GIPC2: variants seen among roughly 807,000 people sequenced by gnomAD.
GIPC2 encodes PDZ domain-containing protein GIPC2.
A neutral mutation model predicts 30.6 loss-of-function variants in GIPC2; 30 were observed. That is an observed-to-expected ratio of 0.98 (90% CI 0.73 to 1.33). The LOEUF is 1.33. GIPC2 is among the 40% of genes most tolerant of loss of function. The probability of loss-of-function intolerance (pLI) is 0.00; values close to 1 mark genes in which losing one functional copy is unlikely to be tolerated. For synonymous variants in GIPC2, 167 were observed against 150.0 expected, an observed-to-expected ratio of 1.11 and a Z score of -0.83; for missense variants, 414 against 390.3, an observed-to-expected ratio of 1.06 and a Z score of -0.51.
At chr1:78,130,196 G>A (rs865815163) in intron 5 of GIPC2, among the ~76,000 whole-genome samples, 16 of 149,826 alleles carry the variant, frequency 1.1e-4, no homozygotes, top group Admixed American at 7.3e-4. Flanking sequence ...CCCGCCTCCC[G>A]GGTTCAAGCG....
intron 5 of GIPC2, 27 bp downstream of exon 5, chr1:78,125,989 T>A: frequency 9.8e-7 from 1 of 1,019,008 alleles, no homozygotes; most frequent in Non-Finnish European, 1.6e-6. Context: ...TAAAAAAGTC[T>A]TATATCTCTT....
Position 78,080,817 on chromosome 1 carries a change from G to A in GIPC2, c.383G>A (p.Gly128Asp). ...GTGTATAAATCTGAGGATTCACTTG[G>A]TCTCACCATTACAGATAATGGTGTT... ...VNVYKSEDSL[G>D]LTITDNGVGY... The change falls in exon 2 of 6, where the codon GGT (glycine) becomes GAT (aspartate). Residue 128 changes from glycine to aspartate, a missense_variant. Coordinates refer to ENST00000370759, the MANE Select transcript of GIPC2 (RefSeq NM_017655.6). 1 of 1,610,702 alleles carries A rather than the reference G, an allele frequency of 6.2e-7. No individual in the cohort carries two copies. The highest frequency in any genetic ancestry group is 8.5e-7 in the Non-Finnish European group (1 of 1,177,526).
intron 1 of GIPC2, among the ~76,000 whole-genome samples, chr1:78,062,627 C>T (rs1191167627): frequency 1.3e-5 from 2 of 151,576 alleles, no homozygotes; most frequent in African/African-American, 4.9e-5. Flanking sequence ...GTCACCTCAG[C>T]CTCCTAAGTA....
At chr1:78,075,340 C>T (rs952153493) in intron 1 of GIPC2, among the ~76,000 whole-genome samples, 2 of 152,090 alleles carry the variant, frequency 1.3e-5, no homozygotes, top group Non-Finnish European at 2.9e-5. Flanking sequence ...CCTGTGGTCC[C>T]AGCTACTAGG....
At chr1:78,078,206 A>AAC (rs1436690449) in intron 1 of GIPC2, among the ~76,000 whole-genome samples, 6 of 151,652 alleles carry the variant, frequency 4.0e-5, no homozygotes, top group Non-Finnish European at 8.8e-5. Flanking sequence ...AAAAAAAAAA[A>AAC]AAAACCTAGT....
chr1:78,067,109 C>T (rs1661526552), intron 1 of GIPC2, among the ~76,000 whole-genome samples: 1 of 152,090 alleles, frequency 6.6e-6, no homozygotes, highest in African/African-American at 2.4e-5. Context: ...CTTGAAGTGT[C>T]ACCTGTTGCT....
At chr1:78,072,801 TTTCTCTC>T (rs1342469987) in intron 1 of GIPC2, among the ~76,000 whole-genome samples, 9 of 151,914 alleles carry the variant, frequency 5.9e-5, no homozygotes, top group African/African-American at 2.2e-4. Flanking sequence ...TATGGTTTCT[TTTCTCTC>T]TTATTATTAT....
At position 78,135,639 on chromosome 1, in the gene GIPC2, T is replaced by C; in HGVS notation, c.844T>C (p.Phe282Leu). The change falls in exon 6 of 6, where the codon TTT (phenylalanine) becomes CTT (leucine). Residue 282 changes from phenylalanine to leucine, a missense_variant. Transcript: ENST00000370759. ...AAAGGACAAAGTAAATCCAGATGAA[T>C]TTGCTGTGGCACTTGACGAAACTCT... ...AGKDKVNPDE[F>L]AVALDETLGD... The C allele has an allele frequency of 1.2e-6, 2 of 1,607,982 alleles. No homozygotes were observed. Among genetic ancestry groups the C allele is most frequent in the African/African-American group, 1.3e-5 (1 of 74,982 alleles).
intron 3 of GIPC2, among the ~76,000 whole-genome samples, chr1:78,107,082 CTCCCTCCCTCTT>C (rs921505233): frequency 3.0e-5 from 4 of 134,636 alleles, no homozygotes; most frequent in Non-Finnish European, 4.7e-5. Flanking sequence ...CCCTCTCTTT[CTCCCTCCCTCTT>C]TCCCTCCCTT....
At chr1:78,052,565 T>C (rs1237430464) in intron 1 of GIPC2, among the ~76,000 whole-genome samples, 1 of 152,226 alleles carries the variant, frequency 6.6e-6, no homozygotes, top group Non-Finnish European at 1.5e-5. Flanking sequence ...GGAAAGAGAC[T>C]AGCCTTTAGG....
chr1:78,105,255 AC>A (rs750860153), intron 3 of GIPC2, among the ~76,000 whole-genome samples: 33 of 151,514 alleles, frequency 2.2e-4, no homozygotes, highest in Non-Finnish European at 4.6e-4. Context: ...CAAGACATTT[AC>A]CCTAAACAGT....
At chr1:78,119,644 T>C (rs921189859) in intron 4 of GIPC2, 145 bp downstream of exon 4, 3 of 594,202 alleles carry the variant, frequency 5.0e-6, no homozygotes, top group East Asian at 2.9e-5. Flanking sequence ...AAAGGAAATA[T>C]AGAAATTAAG....
intron 5 of GIPC2, among the ~76,000 whole-genome samples, chr1:78,134,561 A>T (rs1662966601): frequency 6.6e-6 from 1 of 151,518 alleles, no homozygotes; most frequent in Non-Finnish European, 1.5e-5. Context: ...AGTTCACTGC[A>T]CCCCCACCCT....
At chr1:78,068,740 C>T (rs1330007420) in intron 1 of GIPC2, among the ~76,000 whole-genome samples, 1 of 152,058 alleles carries the variant, frequency 6.6e-6, no homozygotes, top group Non-Finnish European at 1.5e-5. Context: ...AAGCCATTTT[C>T]CTGGGGAATA....
intron 1 of GIPC2, among the ~76,000 whole-genome samples, chr1:78,074,420 G>A (rs549013912): frequency 1.4e-5 from 2 of 146,840 alleles, no homozygotes; most frequent in African/African-American, 5.1e-5. Context: ...GTGTAGTCTC[G>A]CTGAGGCGAC....
chr1:78,099,344 G>A (rs979726323), intron 3 of GIPC2, among the ~76,000 whole-genome samples: 5 of 151,764 alleles, frequency 3.3e-5, no homozygotes, highest in African/African-American at 7.3e-5. Flanking sequence ...TAATAAAGGC[G>A]ATTAGAGGTG....
At chr1:78,083,414 G>A (rs1314607135) in intron 2 of GIPC2, among the ~76,000 whole-genome samples, 1 of 152,166 alleles carries the variant, frequency 6.6e-6, no homozygotes, top group Non-Finnish European at 1.5e-5. Context: ...TTGTTTGTGA[G>A]ATTAACTTTT....
intron 2 of GIPC2, among the ~76,000 whole-genome samples, chr1:78,085,512 A>G (rs760906955): frequency 6.8e-6 from 1 of 147,926 alleles, no homozygotes; most frequent in Non-Finnish European, 1.5e-5. Context: ...TTTTCTTTGT[A>G]TATTTGATAG....
chr1:78,127,225 T>C (rs1036734107), intron 5 of GIPC2, among the ~76,000 whole-genome samples: 2 of 152,212 alleles, frequency 1.3e-5, no homozygotes, highest in Admixed American at 6.5e-5. Context: ...ATTTTCCTTA[T>C]AGAATTACCA....
Sources: allele counts gnomAD v4.1 joint callset (sites outside exome capture counted in the v4.1 genomes callset), GRCh38; gene constraint gnomAD v4.1.1; transcripts MANE v1.5; gene names NCBI Gene and HGNC (gene_info 2026-07-23, HGNC 2026-07-21).